PPP6R2: variants seen among roughly 807,000 people sequenced by gnomAD.
PPP6R2 encodes protein phosphatase 6 regulatory subunit 2.
PPP6R2 carries 62 observed loss-of-function variants against 100.2 expected under a neutral mutation model. The ratio of observed to expected loss-of-function variants is 0.62; its 90% CI spans 0.50 to 0.76. The LOEUF (loss-of-function observed/expected upper bound fraction) is 0.76, where lower values mean the gene tolerates loss of function less well. Ranked by LOEUF, PPP6R2 falls within the 30% of genes least tolerant of loss-of-function variation. The pLI is 0.00. For synonymous variants in PPP6R2, 525 were observed against 514.7 expected (o/e 1.02, Z -0.27); for missense variants, 1,142 against 1,276.3 (o/e 0.89, Z 1.60).
At position 50,438,652 on chromosome 22, in the gene PPP6R2, G is replaced by A; in HGVS notation, c.2018G>A (p.Gly673Glu). ...ESCSKNGPER[G>E]GQDGKASLEA... ...TGCTCAAAGAATGGCCCAGAGCGTG[G>A]AGGCCAGGATGGGAAGGCGAGCTTG... The change falls in exon 19 of 24, where the codon GGA (glycine) becomes GAA (glutamate). Residue 673 changes from glycine to glutamate, a missense_variant. By Grantham distance (98) the Gly-to-Glu change is moderately conservative. This residue lies in a region of PPP6R2 where 550 missense variants were observed against 517.4 expected (regional missense o/e 1.06). Coordinates refer to ENST00000612753, the MANE Select transcript of PPP6R2 (RefSeq NM_001242898.2). 2.5e-6 allele frequency: 4 copies of A among 1,614,106 alleles called. No homozygotes were observed. Among genetic ancestry groups the A allele is most frequent in the Non-Finnish European group, 3.4e-6 (4 of 1,180,006 alleles).
intron 3 of PPP6R2, among the ~76,000 whole-genome samples, chr22:50,402,875 C>G (rs190344904): frequency 3.5e-4 from 54 of 152,294 alleles, no homozygotes; most frequent in African/African-American, 1.3e-3. Flanking sequence ...TGTCTTCTAG[C>G]TTGGTTTGTG....
chr22:50,342,335 G>A (rs879210918), upstream of PPP6R2, among the ~76,000 whole-genome samples: 1 of 152,252 alleles, frequency 6.6e-6, no homozygotes, highest in South Asian at 2.1e-4. Context: ...TAGGGGAAAA[G>A]CTTTTGCTGG....
chr22:50,395,002 A>G (rs546197822), intron 3 of PPP6R2, among the ~76,000 whole-genome samples: 1 of 151,666 alleles, frequency 6.6e-6, no homozygotes, highest in African/African-American at 2.4e-5. Flanking sequence ...GGTACACGTC[A>G]GAGTGTTTTG....
chr22:50,411,082 C>T (rs1032745797), intron 4 of PPP6R2, among the ~76,000 whole-genome samples: 58 of 152,206 alleles, frequency 3.8e-4, no homozygotes, highest in African/African-American at 1.3e-3. Context: ...TGAGCCCCCA[C>T]ACCCGGCCTT....
chr22:50,400,368 G>C (rs2057822126), intron 3 of PPP6R2, among the ~76,000 whole-genome samples: 1 of 152,176 alleles, frequency 6.6e-6, no homozygotes, highest in East Asian at 1.9e-4. Flanking sequence ...TGGAGTTCGT[G>C]GGTGGTGATG....
intron 1 of PPP6R2, among the ~76,000 whole-genome samples, chr22:50,369,880 G>A (rs2049640158): frequency 1.3e-5 from 2 of 149,762 alleles, no homozygotes; most frequent in Non-Finnish European, 3.0e-5. Flanking sequence ...GACCACAGGT[G>A]TGTGCCACCA....
intron 2 of PPP6R2, among the ~76,000 whole-genome samples, chr22:50,388,813 G>A (rs1314416940): frequency 2.6e-5 from 4 of 151,598 alleles, no homozygotes; most frequent in East Asian, 1.9e-4. Context: ...CGGAAGTTGC[G>A]GTGACCTGAG....
At chr22:50,427,323 A>G (rs980356380) in intron 10 of PPP6R2, among the ~76,000 whole-genome samples, 3 of 152,114 alleles carry the variant, frequency 2.0e-5, no homozygotes, top group East Asian at 1.9e-4. Context: ...GTAGTAAGTG[A>G]TAAGTGTGAG....
intron 4 of PPP6R2, 141 bp downstream of exon 4, chr22:50,407,016 G>A: frequency 1.1e-6 from 1 of 893,344 alleles, no homozygotes. Flanking sequence ...ACGTGGAGCA[G>A]TGTGTGGGTT....
intron 1 of PPP6R2, among the ~76,000 whole-genome samples, chr22:50,353,782 T>G (rs1217141228): frequency 1.3e-5 from 2 of 151,416 alleles, no homozygotes; most frequent in Non-Finnish European, 2.9e-5. Flanking sequence ...GAGGCAAGAT[T>G]TGTACCCCAG....
intron 1 of PPP6R2, among the ~76,000 whole-genome samples, chr22:50,355,017 A>T (rs1378482748): frequency 6.7e-6 from 1 of 148,224 alleles, no homozygotes; most frequent in Non-Finnish European, 1.5e-5. Flanking sequence ...CTAATTTTTT[A>T]TTTTTTGTGG....
intron 19 of PPP6R2, 53 bp from the exon 20 acceptor site, chr22:50,439,648 C>A: frequency 6.8e-7 from 1 of 1,472,004 alleles, no homozygotes; most frequent in Admixed American, 2.4e-5. Context: ...TCCCCTTTGC[C>A]TGCAGCACCC....
chr22:50,357,762 T>TA (rs1220381210), intron 1 of PPP6R2, among the ~76,000 whole-genome samples: 2 of 152,140 alleles, frequency 1.3e-5, no homozygotes, highest in Admixed American at 1.3e-4. Flanking sequence ...TAGCTGGGGT[T>TA]ACAGACACCT....
chr22:50,336,883 T>G, the PPP6R2 span, among the ~76,000 whole-genome samples: 3 of 152,072 alleles, frequency 2.0e-5, no homozygotes, highest in Admixed American at 6.6e-5. Flanking sequence ...ATTTTAAAAA[T>G]TTTTGTAGAG....
intron 4 of PPP6R2, among the ~76,000 whole-genome samples, chr22:50,413,683 C>T (rs1373194644): frequency 6.6e-6 from 1 of 151,808 alleles, no homozygotes; most frequent in Non-Finnish European, 1.5e-5. Flanking sequence ...CCCTCCTCTT[C>T]CTTCTTCCCC....
At chr22:50,343,227 A>G (rs1327080040), upstream of PPP6R2, 3 of 150,928 alleles carry the variant, frequency 2.0e-5, no homozygotes, top group Non-Finnish European at 3.0e-5. Context: ...GAGCCGGCCC[A>G]GGTCCCGGCC....
intron 1 of PPP6R2, among the ~76,000 whole-genome samples, chr22:50,353,671 C>T (rs991521301): frequency 9.2e-5 from 14 of 152,048 alleles, no homozygotes; most frequent in Admixed American, 8.5e-4. Context: ...AAGCACATTA[C>T]CTGCGAAGCA....
intron 1 of PPP6R2, among the ~76,000 whole-genome samples, chr22:50,362,165 T>C (rs1304023983): frequency 6.6e-6 from 1 of 152,166 alleles, no homozygotes; most frequent in Non-Finnish European, 1.5e-5. Context: ...TTAGCACTGG[T>C]GATGAGGAAG....
chr22:50,417,223 G>A (rs1240552751), intron 6 of PPP6R2, among the ~76,000 whole-genome samples: 1 of 152,110 alleles, frequency 6.6e-6, no homozygotes, highest in Non-Finnish European at 1.5e-5. Flanking sequence ...GCTGTGGGCC[G>A]AGGCCGCCCT....
Sources: allele counts gnomAD v4.1 joint callset (sites outside exome capture counted in the v4.1 genomes callset), GRCh38; gene constraint gnomAD v4.1.1; regional missense constraint gnomAD v4.1.1; transcripts MANE v1.5; gene names NCBI Gene and HGNC (gene_info 2026-07-23, HGNC 2026-07-21).